Variants in GLI2 observed in about 807,000 individuals in gnomAD.
The protein encoded by GLI2 is transcription activator GLI2.
Under a neutral mutation model 78.9 loss-of-function variants are expected in GLI2, and 22 were observed. The observed-to-expected ratio is 0.28, with a 90% CI of 0.20 to 0.40. The LOEUF (loss-of-function observed/expected upper bound fraction) is 0.40. Ranked by LOEUF, GLI2 falls within the 10% of genes least tolerant of loss-of-function variation. The pLI, the probability that GLI2 is intolerant of heterozygous loss-of-function variation, is 1.00. For missense variants in GLI2, 2,097 were observed against 2,213.2 expected, an observed-to-expected ratio of 0.95 and a Z score of 1.05; for synonymous variants, 974 against 963.7, an observed-to-expected ratio of 1.01 and a Z score of -0.20.
At chr2:120,972,911 GGCCTGTCTTGTAAAGGGCAT>G (rs1198246713) in intron 8 of GLI2, among the ~76,000 whole-genome samples, 1 of 152,040 alleles carries the variant, frequency 6.6e-6, no homozygotes, top group African/African-American at 2.4e-5. Context: ...TGGGAGCAGG[GGCCTGTCTTGTAAAGGGCAT>G]GCCGTGCCTG....
chr2:120,757,703 C>G (rs1373355763), intron 1 of GLI2, among the ~76,000 whole-genome samples: 2 of 152,202 alleles, frequency 1.3e-5, no homozygotes, highest in Non-Finnish European at 2.9e-5. Flanking sequence ...CCTTCTTACC[C>G]TGGTCTCCCT....
intron 1 of GLI2, among the ~76,000 whole-genome samples, chr2:120,763,562 G>C (rs1683279386): frequency 6.6e-6 from 1 of 152,248 alleles, no homozygotes; most frequent in Non-Finnish European, 1.5e-5. Flanking sequence ...GGGGCTCACT[G>C]CTGTCTGGCC....
At chr2:120,794,036 G>A (rs907496876) in intron 1 of GLI2, among the ~76,000 whole-genome samples, 1 of 152,240 alleles carries the variant, frequency 6.6e-6, no homozygotes, top group Non-Finnish European at 1.5e-5. Flanking sequence ...CTTCACGGAT[G>A]GAGCCTTCTA....
chr2:120,985,083 C>T (rs1357930377), intron 12 of GLI2, among the ~76,000 whole-genome samples: 1 of 152,230 alleles, frequency 6.6e-6, no homozygotes, highest in Non-Finnish European at 1.5e-5. Flanking sequence ...CCAGCCCCCA[C>T]TCCTCTGTCC....
intron 2 of GLI2, among the ~76,000 whole-genome samples, chr2:120,864,727 G>A (rs1000810431): frequency 4.6e-5 from 7 of 152,250 alleles, no homozygotes; most frequent in Admixed American, 1.3e-4. Flanking sequence ...GATTACGGGC[G>A]TGAGTCACCG....
Position 120,955,209 on chromosome 2 carries a change from G to A in GLI2, c.458-36G>A, listed in dbSNP as rs769831946. 2.5e-5 allele frequency: 24 copies of A among 969,224 alleles called. No individual in the cohort carries two copies. The Admixed American group carries it at 3.8e-4, about 15-fold the overall frequency. The allele number at this position is 969,224 out of a possible 1,614,324, so 60.0% of individuals were successfully genotyped here. A position where few individuals can be genotyped will look rare whatever the true frequency, so the allele number is the denominator to read the frequency against. ...CAGGAGAAGGCACAGCCAGTGCCAG[G>A]TTCTGACGGCTTCTTTCTCTCCCCT... On this transcript the variant is annotated intron_variant, in intron 4 of 13. Coordinates refer to ENST00000361492, the MANE Select transcript of GLI2 (RefSeq NM_001374353.1).
At chr2:120,740,801 A>T (rs1478723421) in intron 1 of GLI2, among the ~76,000 whole-genome samples, 2 of 152,236 alleles carry the variant, frequency 1.3e-5, no homozygotes, top group Admixed American at 1.3e-4. Flanking sequence ...ATTCATTAGC[A>T]CGGGATTGGG....
chr2:120,883,919 C>T (rs542016555), intron 2 of GLI2, among the ~76,000 whole-genome samples: 1 of 152,346 alleles, frequency 6.6e-6, no homozygotes, highest in East Asian at 1.9e-4. Flanking sequence ...ATTGTCTGTG[C>T]TCCAGACCCC....
intron 2 of GLI2, among the ~76,000 whole-genome samples, chr2:120,907,337 C>A (rs1486872876): frequency 6.6e-6 from 1 of 152,110 alleles, no homozygotes; most frequent in Non-Finnish European, 1.5e-5. Context: ...AGGCTGGGCC[C>A]GAGATCCTGC....
intron 2 of GLI2, among the ~76,000 whole-genome samples, chr2:120,870,216 C>G (rs1688358667): frequency 6.6e-6 from 1 of 152,108 alleles, no homozygotes. Flanking sequence ...AGCTGTCAGA[C>G]CATGAGTGTT....
intron 2 of GLI2, among the ~76,000 whole-genome samples, chr2:120,822,929 G>A (rs1049568524): frequency 1.3e-5 from 2 of 152,162 alleles, no homozygotes; most frequent in Admixed American, 6.5e-5. Context: ...GCAACCTTGA[G>A]TTTCCTTCTC....
At chr2:120,787,091 G>T (rs1014334723) in intron 1 of GLI2, among the ~76,000 whole-genome samples, 1 of 152,186 alleles carries the variant, frequency 6.6e-6, no homozygotes, top group Non-Finnish European at 1.5e-5. Context: ...ACCTTGGCAG[G>T]CACACAGGCA....
intron 1 of GLI2, among the ~76,000 whole-genome samples, chr2:120,776,160 A>C (rs1246723070): frequency 6.6e-6 from 1 of 152,268 alleles, no homozygotes; most frequent in Non-Finnish European, 1.5e-5. Flanking sequence ...AGGCGATGGC[A>C]TGGAGCACCT....
intron 2 of GLI2, among the ~76,000 whole-genome samples, chr2:120,831,207 C>A (rs928275283): frequency 6.6e-6 from 1 of 152,158 alleles, no homozygotes; most frequent in African/African-American, 2.4e-5. Flanking sequence ...GGGAGGTTGG[C>A]CCTGTCCCGA....
rs1056425070 is a variant in GLI2 at position 120,932,305 on chromosome 2, G to A, written c.254+4839G>A. ...GCTGCCCTGAGCTGGTGACCATTTC[G>A]TGGGTGTGCCCGCCCCTCAGCCCTT... is the stretch of plus-strand genomic sequence containing the variant. On this transcript the variant is annotated intron_variant, in intron 3 of 13. Transcript: ENST00000361492. Among the ~76,000 whole-genome samples the A allele has an allele frequency of 3.3e-5, 5 of 152,100 alleles. No individual in the cohort carries two copies. The East Asian group carries it at 7.7e-4, about 23-fold the overall frequency.
intron 3 of GLI2, among the ~76,000 whole-genome samples, chr2:120,948,328 G>T (rs900981405): frequency 2.0e-5 from 3 of 152,188 alleles, no homozygotes; most frequent in Non-Finnish European, 4.4e-5. Context: ...TCCCTGCAGA[G>T]ACCCCTGGAT....
intron 11 of GLI2, among the ~76,000 whole-genome samples, 192 bp from the exon 12 acceptor site, chr2:120,984,276 CAAG>C (rs1246947691): frequency 1.1e-4 from 16 of 152,208 alleles, no homozygotes; most frequent in Non-Finnish European, 2.1e-4. Context: ...CAGGTGCAGA[CAAG>C]CCAGGCTATG....
intron 1 of GLI2, among the ~76,000 whole-genome samples, chr2:120,754,847 A>AT (rs951772528): frequency 7.5e-6 from 1 of 133,250 alleles, no homozygotes; most frequent in African/African-American, 2.8e-5. Flanking sequence ...ATATTTAACC[A>AT]TTTTTTCTTT....
At chr2:120,970,731 C>A in intron 7 of GLI2, 125 bp downstream of exon 7, 1 of 812,070 alleles carries the variant, frequency 1.2e-6, no homozygotes. Flanking sequence ...CGCTAGGGTG[C>A]CTTCTGGGCA....
Sources: allele counts gnomAD v4.1 joint callset (sites outside exome capture counted in the v4.1 genomes callset), GRCh38; gene constraint gnomAD v4.1.1; transcripts MANE v1.5; gene names NCBI Gene and HGNC (gene_info 2026-07-23, HGNC 2026-07-21).